Variants in POLH observed in about 807,000 individuals in gnomAD.
POLH encodes the protein DNA polymerase eta.
Under a neutral mutation model 73.6 loss-of-function variants are expected in POLH, and 53 were observed. The observed-to-expected ratio is 0.72, with a 90% CI of 0.58 to 0.91. The LOEUF (loss-of-function observed/expected upper bound fraction) is 0.91, where lower values mean the gene tolerates loss of function less well. Ranked by LOEUF, POLH falls within the 40% of genes least tolerant of loss-of-function variation. POLH has a pLI of 0.00. For missense variants in POLH, 768 were observed against 865.4 expected, an observed-to-expected ratio of 0.89 and a Z score of 1.41; for synonymous variants, 292 against 308.5, an observed-to-expected ratio of 0.95 and a Z score of 0.56.
Position 43,618,531 on chromosome 6 carries a change from A to G in POLH, c.*3974A>G, listed in dbSNP as rs1031784012. 6.6e-6 allele frequency among the ~76,000 whole-genome samples: 1 copy of G among 152,214 alleles called. No homozygotes were observed. The highest frequency in any genetic ancestry group is 1.5e-5 in the Non-Finnish European group (1 of 68,042). Reference sequence around the variant, plus strand: ...GCTTTTCTGTTATGGGGAAACTTGAATTACACAGGGAACCCAACTGAAGAA... The same window carrying G: ...GCTTTTCTGTTATGGGGAAACTTGAGTTACACAGGGAACCCAACTGAAGAA... On this transcript the variant is annotated 3_prime_UTR_variant, in exon 11 of 11. Transcript: ENST00000372236.
At chr6:43,598,160 A>ATAC (rs536476976) in intron 5 of POLH, among the ~76,000 whole-genome samples, 81 of 150,064 alleles carry the variant, frequency 5.4e-4, no homozygotes, top group Non-Finnish European at 1.5e-4. Context: ...AGCCGAAATC[A>ATAC]TACTACTGTA....
In POLH at chr6:43,601,032, A is replaced by C; in HGVS notation, c.705A>C (p.Gln235His). The part of the protein sequence containing the change: ...LACGLNKPNR[Q>H]TLVSHGSVPQ... ...GTGGACTAAACAAGCCCAACCGCCA[A>C]ACCCTGGTTTCACATGGGTCAGTCC... Residue 235 changes from glutamine (Q) to histidine (H), a missense_variant, in exon 6 of 11, where the codon CAA becomes CAC. Gln to His is a conservative substitution (Grantham distance 24). Transcript: ENST00000372236. 6 of 1,614,174 alleles carry C rather than the reference A, an allele frequency of 3.7e-6. No individual in the cohort carries two copies. The highest frequency in any genetic ancestry group is 5.1e-6 in the Non-Finnish European group (6 of 1,180,024).
In POLH at chr6:43,619,491, C is replaced by T. The variant is rs1768574160; in HGVS notation, c.*4934C>T. 6.6e-6 allele frequency among the ~76,000 whole-genome samples: 1 copy of T among 150,664 alleles called. No homozygotes were observed. The highest frequency in any genetic ancestry group is 2.4e-5 in the African/African-American group (1 of 41,006). ...CATAGTGCTTTGCACATGATAGGTG[C>T]TGATACTCATTGGATGAATGTATAT... On this transcript the variant is annotated 3_prime_UTR_variant, in exon 11 of 11. Transcript: ENST00000372236.
At chr6:43,589,927 T>G (rs561581705) in intron 4 of POLH, among the ~76,000 whole-genome samples, 2 of 152,292 alleles carry the variant, frequency 1.3e-5, no homozygotes, top group South Asian at 4.1e-4. Context: ...AAATGATAAA[T>G]GGGTTTTTTT....
intron 7 of POLH, 56 bp downstream of exon 7, chr6:43,604,067 TA>T (rs1430784809): frequency 1.3e-5 from 18 of 1,417,810 alleles, no homozygotes; most frequent in Admixed American, 6.7e-5. Flanking sequence ...TATATTCAAA[TA>T]TAGACAAAAC....
intron 9 of POLH, among the ~76,000 whole-genome samples, chr6:43,605,710 T>G (rs1188617148): frequency 6.6e-6 from 1 of 151,954 alleles, no homozygotes; most frequent in Admixed American, 6.6e-5. Flanking sequence ...TTTTTAAATT[T>G]TTTAATTTTT....
At chr6:43,579,215 C>G (rs1763738947) in intron 1 of POLH, among the ~76,000 whole-genome samples, 1 of 152,214 alleles carries the variant, frequency 6.6e-6, no homozygotes, top group Non-Finnish European at 1.5e-5. Context: ...CTAATCTTCC[C>G]CTGCCTTTCT....
Position 43,583,118 on chromosome 6 carries a change from C to G in POLH, c.249C>G (p.Ser83=), listed in dbSNP as rs1295580401. ...PDLLLAQVRE[S]RGKANLTKYR... ...TTCTACTGGCACAAGTTCGTGAGTC[C>G]CGTGGGAAAGCTAACCTCACCAAGT... is the stretch of plus-strand genomic sequence containing the variant. The change falls in exon 3 of 11, where the codon TCC becomes TCG. Residue 83 remains serine, a synonymous_variant. Transcript: ENST00000372236. The G allele has an allele frequency of 6.2e-7, 1 of 1,613,782 alleles. No individual in the cohort carries two copies. Among genetic ancestry groups the G allele is most frequent in the South Asian group, 1.1e-5 (1 of 91,074 alleles).
rs369800100 is a variant in POLH at position 43,614,380 on chromosome 6, T to C, written c.1965T>C (p.Phe655=). 2.5e-5 allele frequency: 40 copies of C among 1,614,022 alleles called. No individual in the cohort carries two copies. Among genetic ancestry groups the C allele is most frequent in the Non-Finnish European group, 3.2e-5 (38 of 1,179,968 alleles). Residue 655 remains phenylalanine, a synonymous_variant, in exon 11 of 11, where the codon TTT becomes TTC. Transcript: ENST00000372236. ...WDMPEHMDYH[F]ALELQKSFLQ... ...TGCCAGAACACATGGACTATCATTT[T>C]GCATTGGAGTTGCAGAAATCCTTTT...
chr6:43,585,181 A>G (rs912740842), intron 3 of POLH, among the ~76,000 whole-genome samples: 2 of 152,082 alleles, frequency 1.3e-5, no homozygotes, highest in African/African-American at 4.8e-5. Context: ...GAAGAGATAT[A>G]TAGAGCAAGG....
At chr6:43,582,542 G>A (rs968668566) in intron 2 of POLH, 86 bp downstream of exon 2, 8 of 1,341,714 alleles carry the variant, frequency 6.0e-6, no homozygotes, top group African/African-American at 4.3e-5. Context: ...TGGTGGTGGT[G>A]GTGGTGACAG....
chr6:43,578,598 AGTAT>A (rs898848038), intron 1 of POLH: 85 of 254,792 alleles, frequency 3.3e-4, no homozygotes, highest in African/African-American at 1.8e-3. Flanking sequence ...GGGGCAGTAA[AGTAT>A]GTAGTTAATA....
chr6:43,586,201 G>A (rs1419312029), intron 3 of POLH, among the ~76,000 whole-genome samples: 2 of 152,114 alleles, frequency 1.3e-5, no homozygotes, highest in Non-Finnish European at 2.9e-5. Flanking sequence ...TATATTGGCC[G>A]GATGTGGTGG....
At chr6:43,587,149 T>C (rs1173356342) in intron 3 of POLH, 123 bp from the exon 4 acceptor site, 1 of 804,444 alleles carries the variant, frequency 1.2e-6, no homozygotes, top group Non-Finnish European at 2.2e-6. Flanking sequence ...GTCTAGTCTC[T>C]GTTAAGCCAC....
At chr6:43,613,442 C>T (rs1768106418) in intron 10 of POLH, among the ~76,000 whole-genome samples, 1 of 152,158 alleles carries the variant, frequency 6.6e-6, no homozygotes, top group African/African-American at 2.4e-5. Flanking sequence ...AAATTAAATT[C>T]TCTGTCATCC....
At chr6:43,607,636 G>A (rs530201760) in intron 9 of POLH, among the ~76,000 whole-genome samples, 4 of 152,184 alleles carry the variant, frequency 2.6e-5, no homozygotes, top group South Asian at 2.1e-4. Flanking sequence ...TTGAGGAATC[G>A]CCAGACTGTT....
chr6:43,604,016 G>A lies in POLH; in HGVS notation c.884+5G>A. On this transcript the variant is annotated splice_donor_5th_base_variant and intron_variant, in intron 7 of 10. Coordinates refer to ENST00000372236, the MANE Select transcript of POLH (RefSeq NM_006502.3). The stretch of plus-strand genomic sequence containing the variant: ...TCATTTTGGGGAGAAGAATGGGTAA[G>A]TGATTCATTTTTTTTAAAATCATAA... 6.2e-7 allele frequency: 1 copy of A among 1,612,020 alleles called. No homozygotes were observed. The highest frequency in any genetic ancestry group is 8.5e-7 in the Non-Finnish European group (1 of 1,178,196).
intron 5 of POLH, among the ~76,000 whole-genome samples, chr6:43,598,521 G>C (rs1766357201): frequency 6.6e-6 from 1 of 151,648 alleles, no homozygotes; most frequent in Admixed American, 6.6e-5. Context: ...TGCAATCCCA[G>C]CTACCCGGGA....
Position 43,613,835 on chromosome 6 carries a change from A to G in POLH, c.1420A>G (p.Lys474Glu), listed in dbSNP as rs577718345. The G allele has an allele frequency of 1.2e-6, 2 of 1,614,196 alleles. No homozygotes were observed. The highest frequency in any genetic ancestry group is 1.3e-5 in the African/African-American group (1 of 75,042). ...AAGTGGCCCAGCGGTGACAGCCACT[A>G]AGAAAGCAACCACGTCTCTGGAATC... ...QGSGPAVTAT[K>E]KATTSLESFF... Residue 474 changes from lysine to glutamate, a missense_variant, in exon 11 of 11, where the codon AAG (lysine) becomes GAG (glutamate). Coordinates refer to ENST00000372236, the MANE Select transcript of POLH (RefSeq NM_006502.3).
Sources: allele counts gnomAD v4.1 joint callset (sites outside exome capture counted in the v4.1 genomes callset), GRCh38; gene constraint gnomAD v4.1.1; transcripts MANE v1.5; gene names NCBI Gene and HGNC (gene_info 2026-07-23, HGNC 2026-07-21).